The following KCNQ5 variants were observed in gnomAD, a reference collection of about 807,000 sequenced individuals.
KCNQ5 encodes the protein potassium voltage-gated channel subfamily Q member 5.
Under a neutral mutation model 98.2 loss-of-function variants are expected in KCNQ5, and 30 were observed. That is an observed-to-expected ratio of 0.31 (90% CI 0.23 to 0.41). The LOEUF (loss-of-function observed/expected upper bound fraction) is 0.41, where lower values mean the gene tolerates loss of function less well. Ranked by LOEUF, KCNQ5 falls within the 10% of genes least tolerant of loss-of-function variation. KCNQ5 has a pLI of 1.00. For missense variants in KCNQ5, 835 were observed against 1,182.5 expected (o/e 0.71, Z 4.31); for synonymous variants, 458 against 449.4 (o/e 1.02, Z -0.24).
intron 1 of KCNQ5, among the ~76,000 whole-genome samples, chr6:72,833,513 C>A (rs550237624): frequency 1.1e-3 from 165 of 152,204 alleles, no homozygotes; most frequent in African/African-American, 3.8e-3. Flanking sequence ...TGAAATATTT[C>A]TTACCTGAAA....
At chr6:73,024,381 T>TAGATA (rs57909943) in intron 2 of KCNQ5, among the ~76,000 whole-genome samples, 3 of 120,548 alleles carry the variant, frequency 2.5e-5, no homozygotes, top group Non-Finnish European at 5.2e-5. Context: ...GATAGATAGA[T>TAGATA]GATAGATAGA....
chr6:72,704,054 A>G (rs1413857260), intron 1 of KCNQ5, among the ~76,000 whole-genome samples: 1 of 152,206 alleles, frequency 6.6e-6, no homozygotes, highest in Non-Finnish European at 1.5e-5. Flanking sequence ...CTTAATACTG[A>G]CAACTGCATT....
At chr6:73,077,721 AT>A in intron 4 of KCNQ5, 40 bp from the exon 5 acceptor site, 1 of 1,565,500 alleles carries the variant, frequency 6.4e-7, no homozygotes, top group Non-Finnish European at 8.7e-7. Flanking sequence ...TTTTTCAAAG[AT>A]TTCCCACCTC....
chr6:72,918,314 A>G (rs1257882889), intron 1 of KCNQ5, among the ~76,000 whole-genome samples: 1 of 152,062 alleles, frequency 6.6e-6, no homozygotes, highest in African/African-American at 2.4e-5. Flanking sequence ...GTTTTTCACT[A>G]ATGTCAATCA....
At chr6:72,854,705 C>T (rs1033674532) in intron 1 of KCNQ5, among the ~76,000 whole-genome samples, 6 of 140,302 alleles carry the variant, frequency 4.3e-5, no homozygotes, top group African/African-American at 1.6e-4. Flanking sequence ...TTAGTAACAA[C>T]CTCTCTCTTT....
chr6:72,971,795 A>T (rs1767913950), intron 1 of KCNQ5, among the ~76,000 whole-genome samples: 1 of 152,146 alleles, frequency 6.6e-6, no homozygotes, highest in African/African-American at 2.4e-5. Context: ...CAATGAGAAC[A>T]CTTGGACACA....
chr6:72,695,640 C>T (rs867810212), intron 1 of KCNQ5, among the ~76,000 whole-genome samples: 17 of 151,910 alleles, frequency 1.1e-4, no homozygotes, highest in Admixed American at 5.2e-4. Context: ...TATAATATTA[C>T]GTATATTGGA....
intron 1 of KCNQ5, among the ~76,000 whole-genome samples, chr6:72,884,789 T>G (rs1778787677): frequency 6.6e-6 from 1 of 152,020 alleles, no homozygotes; most frequent in Non-Finnish European, 1.5e-5. Flanking sequence ...CCTAATTTTT[T>G]GTATTTTAGG....
At chr6:72,636,469 A>G (rs536250145) in intron 1 of KCNQ5, among the ~76,000 whole-genome samples, 46 of 152,312 alleles carry the variant, frequency 3.0e-4, no homozygotes, top group Non-Finnish European at 3.8e-4. Context: ...ACCTTGTGAA[A>G]GCGATTCTCA....
At chr6:72,728,565 T>A (rs530639543) in intron 1 of KCNQ5, among the ~76,000 whole-genome samples, 1 of 152,288 alleles carries the variant, frequency 6.6e-6, no homozygotes, top group Admixed American at 6.5e-5. Context: ...CAGCAGTCAT[T>A]GATTGGTCCA....
rs145522945 is a variant in KCNQ5 at position 72,984,322 on chromosome 6, G to A, written c.399-19586G>A. Among the ~76,000 whole-genome samples, 13 of 152,340 alleles carry A rather than the reference G, an allele frequency of 8.5e-5. 1 individual carries two copies. The East Asian group carries it at 2.5e-3, about 29-fold the overall frequency. ...GCTATGCCCTGCCCCCAGAGGTGGA[G>A]TCTACAAAGGCAGGCAGGCCTTGTT... On this transcript the variant is annotated intron_variant, in intron 1 of 13. Transcript: ENST00000370398.
intron 1 of KCNQ5, among the ~76,000 whole-genome samples, chr6:72,857,990 C>A: frequency 6.6e-6 from 1 of 151,844 alleles, no homozygotes; most frequent in African/African-American, 2.4e-5. Flanking sequence ...TTGCATTCCT[C>A]AATAGTGAGT....
Position 72,897,457 on chromosome 6 carries a change from G to A in KCNQ5, c.399-106451G>A, listed in dbSNP as rs147783648. On this transcript the variant is annotated intron_variant, in intron 1 of 13. Coordinates refer to ENST00000370398, the MANE Select transcript of KCNQ5 (RefSeq NM_019842.4). ...CTTGGGAGGCTGAAGCAGGAGGATC[G>A]CTTGAACCTGGGAGACAGCTGTTGC... is the stretch of plus-strand genomic sequence containing the variant. Among the ~76,000 whole-genome samples the A allele has an allele frequency of 3.8e-3, 583 of 152,184 alleles. 5 individuals are homozygous for A. Among genetic ancestry groups the A allele is most frequent in the African/African-American group, 0.012 (509 of 41,546 alleles).
At chr6:73,048,454 G>A (rs1272405521) in intron 3 of KCNQ5, among the ~76,000 whole-genome samples, 1 of 152,170 alleles carries the variant, frequency 6.6e-6, no homozygotes, top group African/African-American at 2.4e-5. Context: ...CACCCTGAAG[G>A]CCATGTAGCC....
intron 1 of KCNQ5, among the ~76,000 whole-genome samples, chr6:72,623,391 A>AGAGTGT (rs1554678872): frequency 2.1e-5 from 3 of 143,042 alleles, no homozygotes; most frequent in Non-Finnish European, 1.5e-5. Context: ...GGAGTCAAAG[A>AGAGTGT]GTGTGTGTGT....
chr6:72,857,687 C>G (rs1277020971), intron 1 of KCNQ5, among the ~76,000 whole-genome samples: 1 of 152,114 alleles, frequency 6.6e-6, no homozygotes, highest in Non-Finnish European at 1.5e-5. Flanking sequence ...TTTGTTGACC[C>G]AGTATGTTGA....
Position 72,988,649 on chromosome 6 carries a change from CT to C in KCNQ5, c.399-15241del, listed in dbSNP as rs71540364. Among the ~76,000 whole-genome samples, 706 of 127,832 alleles carry C rather than the reference CT, an allele frequency of 5.5e-3. 8 individuals are homozygous for C. The highest frequency in any genetic ancestry group is 0.019 in the African/African-American group (644 of 34,612). 83.9% of individuals were successfully genotyped at this position (127,832 alleles called of 152,430 possible). ...ACTTGGGGAAAAAAAGCATGATTTT[CT>C]TTTTTTTTTTTTTTTTTATTATACT... is the stretch of plus-strand genomic sequence containing the variant. On this transcript the variant is annotated intron_variant, in intron 1 of 13. Transcript: ENST00000370398.
In KCNQ5 at chr6:72,798,535, A is replaced by G. The variant is rs188678273; in HGVS notation, c.398+175948A>G. ...CCATGGGACAATGCAGCAAGAAAGC[A>G]CTCACAAAACACAGGCCCCTTGGAC... On this transcript the variant is annotated intron_variant, in intron 1 of 13. Coordinates refer to ENST00000370398, the MANE Select transcript of KCNQ5 (RefSeq NM_019842.4). Among the ~76,000 whole-genome samples the G allele has an allele frequency of 2.6e-5, 4 of 152,246 alleles. No individual in the cohort carries two copies. The East Asian group carries it at 5.8e-4, about 22-fold the overall frequency.
intron 1 of KCNQ5, among the ~76,000 whole-genome samples, chr6:72,812,792 C>G (rs961243149): frequency 2.0e-5 from 3 of 152,158 alleles, no homozygotes; most frequent in Admixed American, 6.5e-5. Flanking sequence ...ATTGCAAAGG[C>G]TTTAAGAACA....
Sources: allele counts gnomAD v4.1 joint callset (sites outside exome capture counted in the v4.1 genomes callset), GRCh38; gene constraint gnomAD v4.1.1; transcripts MANE v1.5; gene names NCBI Gene and HGNC (gene_info 2026-07-23, HGNC 2026-07-21).